HAUS8: variants seen among roughly 807,000 people sequenced by gnomAD.
HAUS8 encodes the protein HAUS augmin-like complex subunit 8.
HAUS8 carries 38 observed loss-of-function variants against 42.9 expected under a neutral mutation model. The observed-to-expected ratio is 0.89, with a 90% CI of 0.68 to 1.16. The LOEUF (loss-of-function observed/expected upper bound fraction) is 1.16, where lower values mean the gene tolerates loss of function less well. Ranked by LOEUF, HAUS8 falls within the 50% of genes most tolerant of loss-of-function variation. HAUS8 has a pLI of 0.00. For missense variants in HAUS8, 494 were observed against 511.6 expected, an observed-to-expected ratio of 0.97 and a Z score of 0.33; for synonymous variants, 199 against 205.8, an observed-to-expected ratio of 0.97 and a Z score of 0.28.
intron 9 of HAUS8, among the ~76,000 whole-genome samples, chr19:17,055,326 C>T (rs1180102854): frequency 2.1e-5 from 2 of 94,560 alleles, no homozygotes; most frequent in African/African-American, 9.3e-5. Context: ...GGCGACACAG[C>T]AAGATGCTGT....
At chr19:17,062,800 A>T (rs1339169353) in intron 3 of HAUS8, 21 bp from the exon 4 acceptor site, 1 of 1,581,428 alleles carries the variant, frequency 6.3e-7, no homozygotes, top group South Asian at 1.1e-5. Context: ...AACACATGAC[A>T]CTCAGAGGAC....
At chr19:17,055,755 T>A in intron 9 of HAUS8, 106 bp downstream of exon 9, 1 of 1,245,604 alleles carries the variant, frequency 8.0e-7, no homozygotes, top group South Asian at 1.4e-5. Context: ...TCTGCCTTAG[T>A]TGGGGAAGAG....
Position 17,075,411 on chromosome 19 carries a change from G to A in HAUS8, c.12C>T (p.Ser4=), listed in dbSNP as rs751280693. 5 of 1,613,792 alleles carry A rather than the reference G, an allele frequency of 3.1e-6. No individual in the cohort carries two copies. Among genetic ancestry groups the A allele is most frequent in the African/African-American group, 1.3e-5 (1 of 74,930 alleles). The change falls in exon 1 of 11, where the codon TCC becomes TCT. Residue 4 remains serine, a synonymous_variant. Transcript: ENST00000253669. ...CAACTCACCCAGCGCCTCGCCCCGA[G>A]GAATCCGCCATTTTCCCGCCTTCCA... MAD[S]SGRGAGKPAT...
At chr19:17,059,521 C>A (rs140123352) in intron 6 of HAUS8, 36 bp downstream of exon 6, 1 of 1,420,866 alleles carries the variant, frequency 7.0e-7, no homozygotes, top group East Asian at 2.3e-5. Flanking sequence ...ATCTATGCAA[C>A]CCATCTGTGG....
intron 4 of HAUS8, among the ~76,000 whole-genome samples, chr19:17,061,009 A>G (rs2057357273): frequency 6.6e-6 from 1 of 152,252 alleles, no homozygotes; most frequent in South Asian, 2.1e-4. Flanking sequence ...TGTGTAGGGT[A>G]CAATATAACA....
intron 8 of HAUS8, 123 bp from the exon 9 acceptor site, chr19:17,056,125 A>G: frequency 1.0e-6 from 1 of 952,666 alleles, no homozygotes; most frequent in Non-Finnish European, 1.6e-6. Context: ...CCAGGGAATC[A>G]GAGCTCAGGA....
intron 1 of HAUS8, chr19:17,074,469 T>C (rs1026232151): frequency 2.0e-5 from 3 of 152,288 alleles, no homozygotes; most frequent in African/African-American, 7.2e-5. Context: ...TTCCTAACTG[T>C]TCACACCTGC....
intron 3 of HAUS8, among the ~76,000 whole-genome samples, chr19:17,065,823 CA>C (rs60912543): frequency 0.47 from 60,825 of 128,968 alleles, 12,775 homozygotes; most frequent in South Asian, 0.59. Flanking sequence ...GGCTCTATCT[CA>C]AAAAAAAAAA....
chr19:17,055,946 C>G lies in HAUS8; in HGVS notation c.702G>C (p.Arg234Ser). The G allele has an allele frequency of 6.2e-7, 1 of 1,614,200 alleles. No homozygotes were observed. Among genetic ancestry groups the G allele is most frequent in the South Asian group, 1.1e-5 (1 of 91,086 alleles). Residue 234 changes from arginine (R) to serine (S), a missense_variant, in exon 9 of 11, where the codon AGG becomes AGC. Arg to Ser is a moderately radical substitution (Grantham distance 110). Coordinates refer to ENST00000253669, the MANE Select transcript of HAUS8 (RefSeq NM_033417.2). ...TAGTGTCCAGGGCCGTGGCGAATGT[C>G]CTGTATTGCTCCTTGAAGCGTGTGG... ...AVATRFKEQY[R>S]TFATALDTTR...
chr19:17,055,134 A>G (rs2057313176), intron 9 of HAUS8: 6 of 39,014 alleles, frequency 1.5e-4, no homozygotes, highest in Non-Finnish European at 2.7e-4. Context: ...AAAAAAAAAA[A>G]AAAAAAAAAA....
At chr19:17,050,224 A>G (rs1205098895) in intron 10 of HAUS8, 48 bp from the exon 11 acceptor site, 1 of 1,414,560 alleles carries the variant, frequency 7.1e-7, no homozygotes, top group East Asian at 2.6e-5. Context: ...TCTGAGGTGA[A>G]GCGCATGTGT....
intron 9 of HAUS8, among the ~76,000 whole-genome samples, chr19:17,054,832 T>C (rs1568634620): frequency 6.6e-6 from 1 of 151,768 alleles, no homozygotes; most frequent in Non-Finnish European, 1.5e-5. Flanking sequence ...CAGTGGTGGA[T>C]GCCTGAAGCA....
intron 8 of HAUS8, 141 bp downstream of exon 8, chr19:17,058,408 G>A (rs2057338468): frequency 2.6e-6 from 2 of 768,248 alleles, no homozygotes; most frequent in Non-Finnish European, 4.1e-6. Context: ...ACCAGGACCA[G>A]AGCAAGTGTG....
In HAUS8 at chr19:17,054,980, A is replaced by T. The variant is rs562279005; in HGVS notation, c.787+881T>A. The T allele has an allele frequency of 6.7e-5, 10 of 149,600 alleles. 1 individual carries two copies. In the East Asian group the frequency reaches 2.0e-3, roughly 30 times the overall value. The allele number at this position is 149,600 out of a possible 1,614,324, so 9.3% of individuals were successfully genotyped here. A position where few individuals can be genotyped will look rare whatever the true frequency, so the allele number is the denominator to read the frequency against. On this transcript the variant is annotated intron_variant, in intron 9 of 10. Coordinates refer to ENST00000253669, the MANE Select transcript of HAUS8 (RefSeq NM_033417.2). ...CGCTAGAAGATTCCACCTCCGCAGA[A>T]AAAAAAGAACAATGGCAGGGCATGG...
intron 9 of HAUS8, among the ~76,000 whole-genome samples, chr19:17,055,558 A>AC (rs2057320477): frequency 6.6e-6 from 1 of 151,588 alleles, no homozygotes; most frequent in African/African-American, 2.4e-5. Context: ...TGGTCTTGTC[A>AC]CCCCCCAACC....
chr19:17,055,138 AAAAAAATATATATATATAT>A (rs1468612086), intron 9 of HAUS8: 543 of 29,618 alleles, frequency 0.018, 22 homozygotes, highest in Admixed American at 0.031. Context: ...AAAAAAAAAA[AAAAAAATATATATATATAT>A]ATATATATAT....
chr19:17,061,773 C>T (rs548046765), intron 4 of HAUS8, among the ~76,000 whole-genome samples: 2 of 152,170 alleles, frequency 1.3e-5, no homozygotes, highest in Non-Finnish European at 2.9e-5. Flanking sequence ...CTAAGCGTTC[C>T]CTGGGGGTCA....
At chr19:17,066,933 G>A (rs1467658272) in intron 3 of HAUS8, among the ~76,000 whole-genome samples, 1 of 152,214 alleles carries the variant, frequency 6.6e-6, no homozygotes, top group African/African-American at 2.4e-5. Flanking sequence ...GGCCGGGCAT[G>A]GCGGCTCATG....
At chr19:17,068,677 A>T (rs2057402437) in intron 3 of HAUS8, among the ~76,000 whole-genome samples, 1 of 152,080 alleles carries the variant, frequency 6.6e-6, no homozygotes, top group Admixed American at 6.5e-5. Flanking sequence ...TCAGGTGGGA[A>T]GATGGCTTGA....
Sources: gnomAD v4.1 joint callset for allele counts (sites outside exome capture counted in the v4.1 genomes callset) on GRCh38, gnomAD v4.1.1 for gene constraint, MANE v1.5 for transcripts, NCBI Gene and HGNC (gene_info 2026-07-23, HGNC 2026-07-21) for gene names.